PTPRG: variants seen among roughly 807,000 people sequenced by gnomAD.
The protein encoded by PTPRG is receptor-type tyrosine-protein phosphatase gamma.
A neutral mutation model predicts 165.3 loss-of-function variants in PTPRG; 102 were observed. That is an observed-to-expected ratio of 0.62 (90% CI 0.53 to 0.73). The LOEUF (loss-of-function observed/expected upper bound fraction) is 0.73. PTPRG is among the 30% of genes least tolerant of loss of function. The pLI is 0.00. For synonymous variants in PTPRG, 675 were observed against 669.5 expected (o/e 1.01, Z -0.13); for missense variants, 1,866 against 1,861.4 (o/e 1.00, Z -0.05).
intron 1 of PTPRG, among the ~76,000 whole-genome samples, chr3:61,573,972 G>A (rs1311910573): frequency 6.6e-6 from 1 of 151,972 alleles, no homozygotes; most frequent in African/African-American, 2.4e-5. Context: ...TCTAATTAGA[G>A]GACAAATGTC....
At chr3:62,069,660 TC>T in intron 4 of PTPRG, among the ~76,000 whole-genome samples, 1 of 144,634 alleles carries the variant, frequency 6.9e-6, no homozygotes, top group African/African-American at 2.7e-5. Flanking sequence ...TCTCTCTCTC[TC>T]TCTCTCTCTC....
intron 1 of PTPRG, among the ~76,000 whole-genome samples, chr3:61,716,398 C>T (rs571252168): frequency 1.3e-5 from 2 of 152,176 alleles, no homozygotes; most frequent in East Asian, 3.9e-4. Flanking sequence ...AAAGACAAAA[C>T]ACAAGATCAT....
intron 2 of PTPRG, among the ~76,000 whole-genome samples, chr3:61,850,100 A>C (rs753308738): frequency 1.1e-4 from 16 of 152,184 alleles, no homozygotes; most frequent in Non-Finnish European, 2.4e-4. Context: ...GTTTGCTTTT[A>C]ACGTGTATGT....
chr3:61,952,138 AAAAGAC>A (rs1463059816), intron 2 of PTPRG, among the ~76,000 whole-genome samples: 10 of 151,014 alleles, frequency 6.6e-5, no homozygotes, highest in African/African-American at 2.5e-4. Context: ...AAAAAAAAAA[AAAAGAC>A]AGTATCAGAA....
chr3:62,280,158 G>A (rs546762695), intron 26 of PTPRG, among the ~76,000 whole-genome samples: 1 of 152,038 alleles, frequency 6.6e-6, no homozygotes, highest in South Asian at 2.1e-4. Context: ...ATATAACATT[G>A]ACAGATTTCT....
intron 1 of PTPRG, among the ~76,000 whole-genome samples, chr3:61,614,669 C>G (rs1701258449): frequency 6.6e-6 from 1 of 152,106 alleles, no homozygotes; most frequent in African/African-American, 2.4e-5. Flanking sequence ...GCTTTGGCCT[C>G]CCAAAGTGCT....
At chr3:61,854,817 A>T (rs1398423622) in intron 2 of PTPRG, among the ~76,000 whole-genome samples, 2 of 152,356 alleles carry the variant, frequency 1.3e-5, no homozygotes, top group East Asian at 1.9e-4. Context: ...CTAGAGAAGG[A>T]TAATGCTGAC....
At position 62,255,678 on chromosome 3, in the gene PTPRG, T is replaced by C. The variant is rs529199706; in HGVS notation, c.2559+463T>C. Among the ~76,000 whole-genome samples the C allele has an allele frequency of 3.3e-5, 5 of 152,282 alleles. No individual in the cohort carries two copies. Among genetic ancestry groups the C allele is most frequent in the South Asian group, 2.1e-4 (1 of 4,824 alleles). On this transcript the variant is annotated intron_variant, in intron 16 of 29. Transcript: ENST00000474889. This position sits in a 1 kb window ranked among gnomAD's most constrained non-coding sequence, Gnocchi z 4.0. The stretch of plus-strand genomic sequence containing the variant: ...ATCACCTCATCTCGGATCCCCAGTT[T>C]TCCCATTTTTGAAAAATGGCACCAA...
intron 1 of PTPRG, among the ~76,000 whole-genome samples, chr3:61,655,681 C>G (rs1004071372): frequency 2.1e-4 from 32 of 152,234 alleles, no homozygotes; most frequent in African/African-American, 7.0e-4. Flanking sequence ...CACCACAGCT[C>G]ACTCCTGGCT....
rs562345788 is a variant in PTPRG at position 62,225,464 on chromosome 3, G to A, written c.2289-5761G>A. 5.3e-5 allele frequency among the ~76,000 whole-genome samples: 8 copies of A among 152,192 alleles called. No individual in the cohort carries two copies. The South Asian group carries it at 8.3e-4, about 16-fold the overall frequency. On this transcript the variant is annotated intron_variant, in intron 13 of 29. Transcript: ENST00000474889. ...TGCTGTAGAATAGCATAGCTATTAAGAGCCAGACATTTCTGTCTGCTTAGA... is the reference window on the plus strand; with the variant it reads ...TGCTGTAGAATAGCATAGCTATTAAAAGCCAGACATTTCTGTCTGCTTAGA...
Position 61,959,983 on chromosome 3 carries a change from A to G in PTPRG, c.191-29642A>G, listed in dbSNP as rs145742049. On this transcript the variant is annotated intron_variant, in intron 2 of 29. Transcript: ENST00000474889. ...CTGCAGCTTCTGTTCATGCTGTTCC[A>G]TGTGCCTGGAATGCCCTTCCCCTCA... is the stretch of plus-strand genomic sequence containing the variant. Among the ~76,000 whole-genome samples, 649 of 152,112 alleles carry G rather than the reference A, an allele frequency of 4.3e-3. 3 individuals are homozygous for G. Among genetic ancestry groups the G allele is most frequent in the African/African-American group, 0.014 (587 of 41,508 alleles).
At chr3:61,887,117 AGCAT>A (rs58000668) in intron 2 of PTPRG, among the ~76,000 whole-genome samples, 869 of 82,696 alleles carry the variant, frequency 0.011, 96 homozygotes, top group African/African-American at 0.036. Flanking sequence ...GTATAACCAT[AGCAT>A]GCATATATAT....
At chr3:62,208,017 A>G (rs1007546010) in intron 12 of PTPRG, among the ~76,000 whole-genome samples, 38 of 152,224 alleles carry the variant, frequency 2.5e-4, no homozygotes, top group African/African-American at 9.2e-4. Context: ...AGTAAGCTCA[A>G]ATTTTTAAAA....
At chr3:61,773,036 G>A (rs1206472799) in intron 2 of PTPRG, among the ~76,000 whole-genome samples, 3 of 152,194 alleles carry the variant, frequency 2.0e-5, no homozygotes, top group Non-Finnish European at 1.5e-5. Context: ...AGAAAGACAA[G>A]ATAACATTTG....
chr3:61,738,334 A>G (rs1378225810), intron 1 of PTPRG, among the ~76,000 whole-genome samples: 2 of 139,606 alleles, frequency 1.4e-5, no homozygotes, highest in South Asian at 2.3e-4. Flanking sequence ...ATATATATAT[A>G]TATGTATATA....
At chr3:61,993,115 AT>A (rs1254214032) in intron 3 of PTPRG, among the ~76,000 whole-genome samples, 3 of 151,266 alleles carry the variant, frequency 2.0e-5, no homozygotes, top group African/African-American at 7.3e-5. Flanking sequence ...GGGGTTGATA[AT>A]TTCCACATTG....
At chr3:61,724,747 T>TA (rs1212574788) in intron 1 of PTPRG, among the ~76,000 whole-genome samples, 1 of 152,174 alleles carries the variant, frequency 6.6e-6, no homozygotes, top group Non-Finnish European at 1.5e-5. Context: ...TGGCTAATGA[T>TA]ACCGAATATC....
rs112709992 is a variant in PTPRG, at chr3:61,949,313, A to C, written c.191-40312A>C. ...TTTTCTTGTTGATGGTAGCGTAATG[A>C]GGATTAAATAAAAATGTAGCCTTTT... is the stretch of plus-strand genomic sequence containing the variant. On this transcript the variant is annotated intron_variant, in intron 2 of 29. Transcript: ENST00000474889. 9.7e-3 allele frequency among the ~76,000 whole-genome samples: 1,475 copies of C among 152,330 alleles called. 22 individuals are homozygous for C. The highest frequency in any genetic ancestry group is 0.033 in the African/African-American group (1,362 of 41,572).
chr3:62,155,472 G>T (rs1704500761), intron 6 of PTPRG, among the ~76,000 whole-genome samples: 1 of 152,144 alleles, frequency 6.6e-6, no homozygotes. Flanking sequence ...GTAAACTGGG[G>T]ATAATCATAG....
Sources: allele counts gnomAD v4.1 joint callset (sites outside exome capture counted in the v4.1 genomes callset), GRCh38; gene constraint gnomAD v4.1.1; non-coding constraint Gnocchi (gnomAD v3.1); transcripts MANE v1.5; gene names NCBI Gene and HGNC (gene_info 2026-07-23, HGNC 2026-07-21).